The following ZMYND8 variants were observed in gnomAD, a reference collection of about 807,000 sequenced individuals.
The protein encoded by ZMYND8 is zinc finger MYND-type containing 8, also known as MYND-type zinc finger-containing chromatin reader ZMYND8.
In ZMYND8, 37 loss-of-function variants were observed where a neutral mutation model predicts 140.8. The observed-to-expected ratio is 0.26, with a 90% CI of 0.20 to 0.35. The LOEUF (loss-of-function observed/expected upper bound fraction) is 0.35, where lower values mean the gene tolerates loss of function less well. ZMYND8 is among the 10% of genes least tolerant of loss of function. The pLI, the probability that ZMYND8 is intolerant of heterozygous loss-of-function variation, is 1.00. For synonymous variants in ZMYND8, 592 were observed against 597.1 expected, an observed-to-expected ratio of 0.99 and a Z score of 0.12; for missense variants, 1,068 against 1,570.0, an observed-to-expected ratio of 0.68 and a Z score of 5.40.
intron 17 of ZMYND8, 118 bp from the exon 18 acceptor site, chr20:47,227,399 G>A: frequency 1.1e-6 from 1 of 934,076 alleles, no homozygotes; most frequent in East Asian, 2.5e-5. Flanking sequence ...CCTTCCCACA[G>A]CTATAGTCCA....
chr20:47,337,557 A>G (rs1343727833), intron 2 of ZMYND8, among the ~76,000 whole-genome samples: 1 of 152,140 alleles, frequency 6.6e-6, no homozygotes, highest in Non-Finnish European at 1.5e-5. Context: ...CTACTTTGAC[A>G]CTTCCTTAAT....
chr20:47,216,518 A>G (rs894062941), intron 21 of ZMYND8, among the ~76,000 whole-genome samples: 4 of 145,362 alleles, frequency 2.8e-5, no homozygotes, highest in African/African-American at 7.9e-5. Flanking sequence ...AAAAAAAAAA[A>G]GGGCCGGGCT....
rs1018660425 is a variant in ZMYND8, at chr20:47,352,091, C to T, written c.15-4165G>A. On this transcript the variant is annotated intron_variant, in intron 1 of 22. Coordinates refer to ENST00000471951, the MANE Select transcript of ZMYND8 (RefSeq NM_001281775.3). ...GTAGAAGGTTAGGAATCGTGCAGCC[C>T]CGTGGCACAAACTGCAGACGGACAG... The T allele has an allele frequency of 2.8e-5, 23 of 826,398 alleles. No homozygotes were observed. In the Middle Eastern group the frequency reaches 1.8e-3, roughly 65 times the overall value. 51.2% of individuals were successfully genotyped at this position (826,398 alleles called of 1,614,324 possible). A position where few individuals can be genotyped will look rare whatever the true frequency, so the allele number is the denominator to read the frequency against.
At chr20:47,235,381 G>A (rs1344434532) in intron 16 of ZMYND8, among the ~76,000 whole-genome samples, 1 of 152,070 alleles carries the variant, frequency 6.6e-6, no homozygotes, top group African/African-American at 2.4e-5. Flanking sequence ...ACTGCAGATG[G>A]TATCTACCTG....
At chr20:47,316,920 G>A (rs2079448126) in intron 2 of ZMYND8, among the ~76,000 whole-genome samples, 1 of 152,188 alleles carries the variant, frequency 6.6e-6, no homozygotes, top group Non-Finnish European at 1.5e-5. Flanking sequence ...AAGCTACCAA[G>A]GAGCAGTGCT....
chr20:47,316,549 T>C (rs2148297464), intron 2 of ZMYND8, among the ~76,000 whole-genome samples: 1 of 151,934 alleles, frequency 6.6e-6, no homozygotes, highest in Non-Finnish European at 1.5e-5. Context: ...TCCCAGCACT[T>C]TGGGAGGCCG....
chr20:47,238,919 T>G lies in ZMYND8; in HGVS notation c.2504A>C (p.Gln835Pro), dbSNP rs777669089. 6.2e-7 allele frequency: 1 copy of G among 1,614,180 alleles called. No homozygotes were observed. The highest frequency in any genetic ancestry group is 8.5e-7 in the Non-Finnish European group (1 of 1,180,040). Residue 835 changes from glutamine to proline, a missense_variant, in exon 15 of 23, where the codon CAG (glutamine) becomes CCG (proline). By Grantham distance (76) the Gln-to-Pro change is moderately conservative. This residue lies in a region of ZMYND8 where 383 missense variants were observed against 431.2 expected (regional missense o/e 0.89). Transcript: ENST00000471951. ...ACTTGATGAGTTCCACACGACCCGC[T>G]GCACGGCCGGGGCAGTCTCCTTCGG... ...LLPKETAPAVQRVVWNSSSKF... is the reference protein window; with the variant it reads ...LLPKETAPAVPRVVWNSSSKF...
intron 7 of ZMYND8, among the ~76,000 whole-genome samples, chr20:47,289,169 A>C (rs372978705): frequency 2.0e-5 from 3 of 152,264 alleles, no homozygotes; most frequent in East Asian, 3.8e-4. Context: ...ATGTTTACAA[A>C]AAATGACATA....
intron 15 of ZMYND8, chr20:47,237,762 A>G (rs41308709): frequency 6.6e-6 from 1 of 152,314 alleles, no homozygotes; most frequent in Non-Finnish European, 1.5e-5. Flanking sequence ...TATGAGTTTC[A>G]GTTGAAGAAC....
intron 14 of ZMYND8, among the ~76,000 whole-genome samples, chr20:47,242,191 C>G (rs968302197): frequency 7.2e-5 from 11 of 152,196 alleles, no homozygotes; most frequent in African/African-American, 2.7e-4. Flanking sequence ...GATTTTCATT[C>G]AGTAAGCTGT....
At chr20:47,242,116 C>T (rs1007960656) in intron 14 of ZMYND8, among the ~76,000 whole-genome samples, 1 of 152,178 alleles carries the variant, frequency 6.6e-6, no homozygotes, top group Non-Finnish European at 1.5e-5. Context: ...TGCGCCCGGC[C>T]TATGTCTGTC....
At chr20:47,315,892 G>A (rs564886790) in intron 2 of ZMYND8, among the ~76,000 whole-genome samples, 2 of 152,268 alleles carry the variant, frequency 1.3e-5, no homozygotes, top group African/African-American at 2.4e-5. Flanking sequence ...GTTAACGTGG[G>A]TGAGGGAGGA....
chr20:47,356,518 C>T (rs2083253755), intron 1 of ZMYND8, 139 bp downstream of exon 1: 1 of 1,608,490 alleles, frequency 6.2e-7, no homozygotes, highest in African/African-American at 1.3e-5. Context: ...AAAAAATTCT[C>T]TCTAAACAGT....
chr20:47,291,233 A>G (rs1464575546), intron 6 of ZMYND8, among the ~76,000 whole-genome samples: 2 of 152,326 alleles, frequency 1.3e-5, no homozygotes, highest in Admixed American at 6.5e-5. Flanking sequence ...TTCACTGCCC[A>G]TATTTTGCTG....
intron 4 of ZMYND8, among the ~76,000 whole-genome samples, chr20:47,296,104 A>G (rs1171070545): frequency 6.6e-6 from 1 of 152,178 alleles, no homozygotes; most frequent in Non-Finnish European, 1.5e-5. Flanking sequence ...CAGTCTTCCC[A>G]GTTGACTGCC....
chr20:47,272,550 C>G (rs890028314), intron 11 of ZMYND8, among the ~76,000 whole-genome samples: 2 of 152,082 alleles, frequency 1.3e-5, no homozygotes, highest in African/African-American at 4.8e-5. Context: ...GCCAGGAGGT[C>G]TATATAAAGG....
chr20:47,262,999 A>G (rs1320151565), intron 11 of ZMYND8, among the ~76,000 whole-genome samples: 1 of 152,158 alleles, frequency 6.6e-6, no homozygotes, highest in African/African-American at 2.4e-5. Flanking sequence ...GTCCTTCTTT[A>G]CTGTATTTCA....
chr20:47,221,858 G>C (rs1159929183), intron 19 of ZMYND8, among the ~76,000 whole-genome samples: 1 of 152,126 alleles, frequency 6.6e-6, no homozygotes, highest in African/African-American at 2.4e-5. Context: ...GTAGAGACAG[G>C]GTTTCACCAT....
intron 2 of ZMYND8, among the ~76,000 whole-genome samples, chr20:47,339,407 A>C (rs956452571): frequency 6.6e-6 from 1 of 152,200 alleles, no homozygotes; most frequent in African/African-American, 2.4e-5. Flanking sequence ...TGACAGACCT[A>C]GCAATAAAAA....
Sources: allele counts gnomAD v4.1 joint callset (sites outside exome capture counted in the v4.1 genomes callset), GRCh38; gene constraint gnomAD v4.1.1; regional missense constraint gnomAD v4.1.1; transcripts MANE v1.5; gene names NCBI Gene and HGNC (gene_info 2026-07-23, HGNC 2026-07-21).